LRP1B: variants seen among roughly 807,000 people sequenced by gnomAD.
LRP1B encodes the protein LDL receptor related protein 1B.
In LRP1B, 217 loss-of-function variants were observed where a neutral mutation model predicts 556.6. The observed-to-expected ratio is 0.39, with a 90% CI of 0.35 to 0.44. The LOEUF is 0.44. Among genes scored for constraint, LRP1B ranks in the 20% least tolerant of loss-of-function variants. The probability of loss-of-function intolerance (pLI) is 1.00; values close to 1 mark genes in which losing one functional copy is unlikely to be tolerated. For missense variants in LRP1B, 5,053 were observed against 5,620.8 expected, an observed-to-expected ratio of 0.90 and a Z score of 3.23; for synonymous variants, 2,047 against 1,865.8, an observed-to-expected ratio of 1.10 and a Z score of -2.50.
At chr2:140,728,283 A>G (rs1188900227) in intron 35 of LRP1B, among the ~76,000 whole-genome samples, 1 of 152,218 alleles carries the variant, frequency 6.6e-6, no homozygotes, top group African/African-American at 2.4e-5. Flanking sequence ...TGTTTTGCAC[A>G]TACAATAAGT....
At chr2:140,993,075 C>T (rs1049725164) in intron 16 of LRP1B, among the ~76,000 whole-genome samples, 1 of 151,662 alleles carries the variant, frequency 6.6e-6, no homozygotes, top group Non-Finnish European at 1.5e-5. Flanking sequence ...CTAACTTTGC[C>T]CATTCTTAAA....
chr2:141,174,785 T>C (rs941891695), intron 7 of LRP1B, among the ~76,000 whole-genome samples: 18 of 151,970 alleles, frequency 1.2e-4, no homozygotes, highest in Admixed American at 1.2e-3. Flanking sequence ...CAGTCAGAGG[T>C]TGAAACAGTT....
chr2:141,321,517 T>C (rs1687242036), intron 3 of LRP1B, among the ~76,000 whole-genome samples: 1 of 152,122 alleles, frequency 6.6e-6, no homozygotes, highest in Admixed American at 6.6e-5. Context: ...TGTTTCTCTT[T>C]GGTTATAACC....
At chr2:141,193,722 A>T (rs2105207424) in intron 6 of LRP1B, among the ~76,000 whole-genome samples, 1 of 151,956 alleles carries the variant, frequency 6.6e-6, no homozygotes, top group South Asian at 2.1e-4. Context: ...CCCGAACCTA[A>T]AATAAAAGTT....
At chr2:141,749,429 GT>G (rs1694027799) in intron 2 of LRP1B, among the ~76,000 whole-genome samples, 1 of 152,070 alleles carries the variant, frequency 6.6e-6, no homozygotes, top group Admixed American at 6.6e-5. Context: ...CCTGAGGCCT[GT>G]TTTCACCCAG....
rs142599218 is a variant in LRP1B, at chr2:141,716,703, G to A, written c.205+93576C>T. ...ATCTGCTAAAGCCAACAGCTTTGGC[G>A]GCCTGCAATCTTTCTATAGCATGCT... On this transcript the variant is annotated intron_variant, in intron 2 of 90. Transcript: ENST00000389484. Among the ~76,000 whole-genome samples, 14 of 152,128 alleles carry A rather than the reference G, an allele frequency of 9.2e-5. No homozygotes were observed. In the East Asian group the frequency reaches 1.6e-3, roughly 17 times the overall value.
intron 7 of LRP1B, among the ~76,000 whole-genome samples, chr2:141,102,484 A>G (rs1384310819): frequency 1.3e-5 from 2 of 152,108 alleles, no homozygotes; most frequent in South Asian, 2.1e-4. Flanking sequence ...CTATCCACCT[A>G]TATCGGGTTT....
chr2:140,665,995 T>A lies in LRP1B; in HGVS notation c.6799+34255A>T, dbSNP rs200436044. Among the ~76,000 whole-genome samples, 491 of 87,370 alleles carry A rather than the reference T, an allele frequency of 5.6e-3. 3 individuals carry two copies. Among genetic ancestry groups the A allele is most frequent in the Middle Eastern group, 0.028 (6 of 212 alleles). 57.3% of individuals were successfully genotyped at this position (87,370 alleles called of 152,430 possible). On this transcript the variant is annotated intron_variant, in intron 41 of 90. Transcript: ENST00000389484. ...CTTCAGTGGAGTAAAAAAAAAAAAA[T>A]TTTTTTTTTTTTTCCTGAGACGGAG...
At chr2:140,735,731 C>T (rs1687924920) in intron 35 of LRP1B, among the ~76,000 whole-genome samples, 1 of 152,116 alleles carries the variant, frequency 6.6e-6, no homozygotes, top group Non-Finnish European at 1.5e-5. Flanking sequence ...CAACAGGTTT[C>T]CCTTTAGGAC....
At position 141,291,572 on chromosome 2, in the gene LRP1B, G is replaced by A. The variant is rs907532712; in HGVS notation, c.344-36931C>T. ...CATATTTGCTCATTAAAACTTGTTT[G>A]GAGGCCGGGCGCGGTGGCTCACGCC... On this transcript the variant is annotated intron_variant, in intron 3 of 90. Coordinates refer to ENST00000389484, the MANE Select transcript of LRP1B (RefSeq NM_018557.3). Among the ~76,000 whole-genome samples, 7 of 152,052 alleles carry A rather than the reference G, an allele frequency of 4.6e-5. 1 individual carries two copies. Among genetic ancestry groups the A allele is most frequent in the Admixed American group, 3.3e-4 (5 of 15,258 alleles).
At chr2:140,350,222 G>C (rs1681894445) in intron 77 of LRP1B, among the ~76,000 whole-genome samples, 1 of 151,484 alleles carries the variant, frequency 6.6e-6, no homozygotes, top group Admixed American at 6.6e-5. Flanking sequence ...ATTGAAACAT[G>C]TTCCAGTTTA....
chr2:141,245,459 A>T (rs1684032062), intron 5 of LRP1B, among the ~76,000 whole-genome samples: 1 of 152,114 alleles, frequency 6.6e-6, no homozygotes, highest in Admixed American at 6.6e-5. Flanking sequence ...TCAGAGAAGA[A>T]ATTTCATGCT....
In LRP1B at chr2:142,115,543, TAA is replaced by T. The variant is rs1491091745; in HGVS notation, c.82+15103_82+15104del. 1.2e-4 allele frequency among the ~76,000 whole-genome samples: 5 copies of T among 41,324 alleles called. 1 individual carries two copies. In the East Asian group the frequency reaches 2.1e-3, roughly 18 times the overall value. The allele number at this position is 41,324 out of a possible 152,430, so 27.1% of individuals were successfully genotyped here. On this transcript the variant is annotated intron_variant, in intron 1 of 90. Transcript: ENST00000389484. ...ATATATAATATATATATTACATATG[TAA>T]TATATATATTATATATGTAATATAT...
At chr2:142,086,501 A>G (rs1298941236) in intron 1 of LRP1B, among the ~76,000 whole-genome samples, 1 of 152,030 alleles carries the variant, frequency 6.6e-6, no homozygotes, top group African/African-American at 2.4e-5. Flanking sequence ...GCTACTGTGG[A>G]GGCTGAGGCA....
In LRP1B at chr2:140,534,211, A is replaced by G. The variant is rs927417300; in HGVS notation, c.7643-71T>C. 1.3e-5 allele frequency: 18 copies of G among 1,354,634 alleles called. No individual in the cohort carries two copies. The African/African-American group carries it at 2.5e-4, about 19-fold the overall frequency. 83.9% of individuals were successfully genotyped at this position (1,354,634 alleles called of 1,614,324 possible). A position where few individuals can be genotyped will look rare whatever the true frequency, so the allele number is the denominator to read the frequency against. On this transcript the variant is annotated intron_variant, in intron 46 of 90. Coordinates refer to ENST00000389484, the MANE Select transcript of LRP1B (RefSeq NM_018557.3). The stretch of plus-strand genomic sequence containing the variant: ...TATTTGTACAAAATGAAAATCACAG[A>G]TAATATTTCATTCATAATGACTGGA...
chr2:141,837,683 T>C (rs192651671), intron 1 of LRP1B, among the ~76,000 whole-genome samples: 10 of 152,198 alleles, frequency 6.6e-5, no homozygotes, highest in African/African-American at 2.4e-4. Context: ...AAGCATCTAA[T>C]GCCATGTGTA....
At chr2:140,606,208 T>G (rs1279120688) in intron 41 of LRP1B, among the ~76,000 whole-genome samples, 1 of 152,042 alleles carries the variant, frequency 6.6e-6, no homozygotes, top group Admixed American at 6.6e-5. Flanking sequence ...TCATTTGTAT[T>G]CTATATAAGA....
intron 2 of LRP1B, among the ~76,000 whole-genome samples, chr2:141,582,538 A>T (rs1419478474): frequency 6.6e-6 from 1 of 152,138 alleles, no homozygotes; most frequent in Admixed American, 6.6e-5. Context: ...AGAAATAAAT[A>T]ATTCTCCACA....
intron 35 of LRP1B, among the ~76,000 whole-genome samples, chr2:140,748,777 T>C (rs1287994076): frequency 1.6e-5 from 1 of 63,616 alleles, no homozygotes; most frequent in Non-Finnish European, 3.6e-5. Flanking sequence ...GTATATAATA[T>C]GTATATAATA....
Sources: allele counts gnomAD v4.1 joint callset (sites outside exome capture counted in the v4.1 genomes callset), GRCh38; gene constraint gnomAD v4.1.1; transcripts MANE v1.5; gene names NCBI Gene and HGNC (gene_info 2026-07-23, HGNC 2026-07-21).